ALG8: variants seen among roughly 807,000 people sequenced by gnomAD.
ALG8 encodes the protein ALG8 alpha-1,3-glucosyltransferase.
Under a neutral mutation model 70.2 loss-of-function variants are expected in ALG8, and 48 were observed. The observed-to-expected ratio is 0.68, with a 90% CI of 0.54 to 0.87. ALG8 has a LOEUF of 0.87. Among genes scored for constraint, ALG8 ranks in the 40% least tolerant of loss-of-function variants. ALG8 has a pLI of 0.00. For synonymous variants in ALG8, 234 were observed against 229.0 expected, an observed-to-expected ratio of 1.02 and a Z score of -0.20; for missense variants, 572 against 608.7, an observed-to-expected ratio of 0.94 and a Z score of 0.64.
chr11:78,105,901 A>G (rs538408), intron 10 of ALG8, among the ~76,000 whole-genome samples: 33,403 of 151,044 alleles, frequency 0.22, 4,524 homozygotes, highest in African/African-American at 0.38. Flanking sequence ...TAGAGATGGG[A>G]TTTTGCCATG....
intron 1 of ALG8, among the ~76,000 whole-genome samples, chr11:78,136,905 CT>C (rs111381491): frequency 0.22 from 31,867 of 145,454 alleles, 4,051 homozygotes; most frequent in African/African-American, 0.37. Context: ...TCTTTTCTTC[CT>C]TTTTTTTTTT....
intron 10 of ALG8, among the ~76,000 whole-genome samples, chr11:78,106,448 T>C (rs1412131004): frequency 6.6e-6 from 1 of 152,116 alleles, no homozygotes; most frequent in Non-Finnish European, 1.5e-5. Flanking sequence ...CTGCCCGCCT[T>C]GGCCTCCCTA....
chr11:78,104,145 T>C, intron 11 of ALG8, 93 bp from the exon 12 acceptor site: 1 of 911,304 alleles, frequency 1.1e-6, no homozygotes. Flanking sequence ...CACAGCTATA[T>C]AGTGCTAATA....
intron 8 of ALG8, among the ~76,000 whole-genome samples, chr11:78,110,091 C>A (rs1860215816): frequency 2.0e-5 from 3 of 152,174 alleles, no homozygotes; most frequent in South Asian, 2.1e-4. Flanking sequence ...GTCCCTCTGC[C>A]CAGGCAACTC....
intron 1 of ALG8, among the ~76,000 whole-genome samples, chr11:78,127,767 T>C (rs1188765937): frequency 2.7e-5 from 4 of 150,770 alleles, no homozygotes; most frequent in Non-Finnish European, 5.9e-5. Context: ...TGGAGTGTAG[T>C]GGACCCATCT....
At chr11:78,120,968 G>C (rs375077103) in intron 4 of ALG8, 97 bp downstream of exon 4, 1 of 1,164,394 alleles carries the variant, frequency 8.6e-7, no homozygotes, top group Non-Finnish European at 1.3e-6. Context: ...TTTTCAGAAG[G>C]AGCTCACATC....
chr11:78,133,415 T>C (rs565762624), intron 1 of ALG8: 1 of 152,324 alleles, frequency 6.6e-6, no homozygotes, highest in East Asian at 1.9e-4. Flanking sequence ...AAAACATTCG[T>C]TTTTAAATAT....
chr11:78,114,120 G>C (rs1011992878), intron 6 of ALG8, 131 bp from the exon 7 acceptor site: 1 of 1,394,700 alleles, frequency 7.2e-7, no homozygotes, highest in Non-Finnish European at 1.0e-6. Context: ...CAAGAGCAGA[G>C]AAAAGCGAGA....
Position 78,104,447 on chromosome 11 carries a change from CA to C in ALG8, c.1184del (p.Leu395CysfsTer13). On this transcript the variant is annotated frameshift_variant, in exon 11 of 13. Coordinates refer to ENST00000299626, the MANE Select transcript of ALG8 (RefSeq NM_024079.5). LOFTEE classifies it high-confidence loss of function. The part of the protein sequence containing the change: ...ILLAILPMSL[L>X]SVGKAGDASI... The stretch of plus-strand genomic sequence containing the variant: ...AAGCGTCTCCTGCTTTTCCCACAGA[CA>C]AAAGGCTAAAAATAAAAATAATTTC... 1 of 1,581,848 alleles carries C rather than the reference CA, an allele frequency of 6.3e-7. No individual in the cohort carries two copies. The highest frequency in any genetic ancestry group is 1.2e-5 in the South Asian group (1 of 86,338).
intron 1 of ALG8, among the ~76,000 whole-genome samples, chr11:78,128,796 A>G (rs1861187221): frequency 6.6e-6 from 1 of 150,834 alleles, no homozygotes. Flanking sequence ...TTTGTATTTT[A>G]GTAGAGATGG....
chr11:78,103,842 CCTCT>C (rs1428055352), intron 12 of ALG8, 134 bp downstream of exon 12: 3 of 527,170 alleles, frequency 5.7e-6, no homozygotes, highest in South Asian at 2.4e-5. Flanking sequence ...GTGATTTCTC[CCTCT>C]ATTTACCAAT....
chr11:78,138,889 T>C, intron 1 of ALG8: 1 of 435,030 alleles, frequency 2.3e-6, no homozygotes, highest in South Asian at 1.6e-5. Context: ...CAAGGGGCAC[T>C]TTCTGTTCCT....
In ALG8 at chr11:78,139,501, G is replaced by A; in HGVS notation, c.88C>T (p.Pro30Ser). The A allele has an allele frequency of 6.4e-7, 1 of 1,558,718 alleles. No homozygotes were observed. The highest frequency in any genetic ancestry group is 8.7e-7 in the Non-Finnish European group (1 of 1,150,706). ...GVTLLKCLLI[P>S]TYHSTDFEVH... ...GCCGTGCGAGTCCCTTACTATGTGG[G>A]GATGAGAAGGCATTTGAGAAGAGTC... The change falls in exon 1 of 13, where the codon CCC becomes TCC. Residue 30 changes from proline (P) to serine (S), a missense_variant. Pro to Ser is a moderately conservative substitution (Grantham distance 74, BLOSUM62 -1). Coordinates refer to ENST00000299626, the MANE Select transcript of ALG8 (RefSeq NM_024079.5).
chr11:78,128,760 G>A lies in ALG8; in HGVS notation c.96-1324C>T, dbSNP rs147487740. Among the ~76,000 whole-genome samples, 672 of 151,878 alleles carry A rather than the reference G, an allele frequency of 4.4e-3. 6 individuals carry two copies. Among genetic ancestry groups the A allele is most frequent in the African/African-American group, 0.015 (605 of 41,444 alleles). On this transcript the variant is annotated intron_variant, in intron 1 of 12. Transcript: ENST00000299626. ...CAAGTAGCTGGGACTACAGGTGCGCGGCACCACGCCTGGCTAATTTTTTTT... is the reference window on the plus strand; with the variant it reads ...CAAGTAGCTGGGACTACAGGTGCGCAGCACCACGCCTGGCTAATTTTTTTT...
chr11:78,139,254 C>A, intron 1 of ALG8: 1 of 556,516 alleles, frequency 1.8e-6, no homozygotes, highest in Non-Finnish European at 3.2e-6. Flanking sequence ...GGATGAGGAC[C>A]CTGAGGTTCA....
At chr11:78,101,682 A>AT (rs1436324700) in intron 12 of ALG8, among the ~76,000 whole-genome samples, 1 of 152,152 alleles carries the variant, frequency 6.6e-6, no homozygotes, top group African/African-American at 2.4e-5. Context: ...TATATACGTT[A>AT]TATTATCTCA....
chr11:78,124,453 C>G lies in ALG8; in HGVS notation c.175-239G>C, dbSNP rs7951150. Among the ~76,000 whole-genome samples, 67,575 of 151,972 alleles carry G rather than the reference C, an allele frequency of 0.44. 15,142 individuals carry two copies. Among genetic ancestry groups the G allele is most frequent in the Non-Finnish European group, 0.46 (31,041 of 67,952 alleles). ...CCCTGTCTCTATTTTTAATTAAAAACAAACGAACAAAAATCACAGTGAAAT... is the reference window on the plus strand; with the variant it reads ...CCCTGTCTCTATTTTTAATTAAAAAGAAACGAACAAAAATCACAGTGAAAT... On this transcript the variant is annotated intron_variant, in intron 2 of 12. Transcript: ENST00000299626.
intron 5 of ALG8, among the ~76,000 whole-genome samples, chr11:78,115,338 G>C (rs1276943684): frequency 6.6e-6 from 1 of 150,890 alleles, no homozygotes; most frequent in African/African-American, 2.4e-5. Flanking sequence ...TTGGCCCAAG[G>C]TAAATATTCT....
chr11:78,124,173 T>C lies in ALG8; in HGVS notation c.216A>G (p.Ala72=), dbSNP rs755626284. 2 of 1,613,964 alleles carry C rather than the reference T, an allele frequency of 1.2e-6. No individual in the cohort carries two copies. The highest frequency in any genetic ancestry group is 1.7e-6 in the Non-Finnish European group (2 of 1,180,028). The change falls in exon 3 of 13, where the codon GCA becomes GCG. Residue 72 remains alanine, a synonymous_variant. Transcript: ENST00000299626. ...CATGTGACAGGATATACTCAAACCATGCAAAGAAAGGGGGGTAATCCAACG... is the reference window on the plus strand; with the variant it reads ...CATGTGACAGGATATACTCAAACCACGCAAAGAAAGGGGGGTAATCCAACG... ...EWTLDYPPFF[A]WFEYILSHVA...
Sources: gnomAD v4.1 joint callset for allele counts (sites outside exome capture counted in the v4.1 genomes callset) on GRCh38, gnomAD v4.1.1 for gene constraint, MANE v1.5 for transcripts, NCBI Gene and HGNC (gene_info 2026-07-23, HGNC 2026-07-21) for gene names.